Variants in DMD observed in about 807,000 individuals in gnomAD.
DMD encodes the protein dystrophin, also known as mutant dystrophin.
Under a neutral mutation model 330.1 loss-of-function variants are expected in DMD, and 63 were observed. The observed-to-expected ratio is 0.19, with a 90% CI of 0.16 to 0.24. The LOEUF (loss-of-function observed/expected upper bound fraction) is 0.24. Among genes scored for constraint, DMD ranks in the 10% least tolerant of loss-of-function variants. The pLI is 1.00. For missense variants in DMD, 3,344 were observed against 2,684.1 expected, an observed-to-expected ratio of 1.25 and a Z score of -5.43; for synonymous variants, 1,223 against 959.8, an observed-to-expected ratio of 1.27 and a Z score of -5.07.
At chrX:32,767,027 C>G (rs968198739) in intron 7 of DMD, among the ~76,000 whole-genome samples, 2 of 111,562 alleles carry the variant, frequency 1.8e-5, no homozygotes, top group Admixed American at 9.5e-5. Context: ...AACAAAACTA[C>G]TCCGCATTAT....
chrX:31,465,193 T>C (rs1042609263), intron 59 of DMD, among the ~76,000 whole-genome samples: 1 of 111,648 alleles, frequency 9.0e-6, no homozygotes, highest in African/African-American at 3.3e-5. Context: ...AATAAATAAT[T>C]TGGTCAGGAT....
intron 1 of DMD, among the ~76,000 whole-genome samples, chrX:33,110,846 G>A (rs1164789957): frequency 2.7e-5 from 3 of 110,550 alleles, no homozygotes; most frequent in African/African-American, 6.6e-5. Context: ...TGTATTGAAC[G>A]TTCAAATGTC....
intron 44 of DMD, among the ~76,000 whole-genome samples, chrX:32,090,713 G>C (rs1180483596): frequency 9.0e-6 from 1 of 111,414 alleles, no homozygotes; most frequent in African/African-American, 3.3e-5. Context: ...GGTAGTACAA[G>C]TAATGTGAAT....
chrX:31,834,079 T>C (rs752936401), intron 49 of DMD, among the ~76,000 whole-genome samples: 14 of 111,500 alleles, frequency 1.3e-4, no homozygotes, highest in Admixed American at 3.8e-4. Flanking sequence ...AGAGGCATTA[T>C]AAATAGGACA....
chrX:33,037,085 G>A (rs983666634), intron 1 of DMD, among the ~76,000 whole-genome samples: 8 of 111,425 alleles, frequency 7.2e-5, no homozygotes, highest in African/African-American at 2.6e-4. Context: ...AACCTGCCTT[G>A]AGAAACATTT....
chrX:32,423,483 T>C (rs2098199035), intron 29 of DMD, among the ~76,000 whole-genome samples: 1 of 110,784 alleles, frequency 9.0e-6, no homozygotes, highest in African/African-American at 3.3e-5. Flanking sequence ...TATACATGTA[T>C]ATATAAATAC....
At chrX:32,738,850 G>T (rs1458455667) in intron 7 of DMD, among the ~76,000 whole-genome samples, 1 of 111,691 alleles carries the variant, frequency 9.0e-6, no homozygotes, top group African/African-American at 3.2e-5. Flanking sequence ...CTTTCAAAAG[G>T]AGAGGTGTGA....
Position 31,258,894 on chromosome X carries a change from G to A in DMD, c.9286+2061C>T, listed in dbSNP as rs763353498. On this transcript the variant is annotated intron_variant, in intron 63 of 78. Transcript: ENST00000357033. ...TTACAGAGTAATTGAAAGTGGTAGA[G>A]AATACTATACAACAAAATGGAAATA... 2.7e-5 allele frequency among the ~76,000 whole-genome samples: 3 copies of A among 109,379 alleles called. No homozygotes were observed. In the South Asian group the frequency reaches 1.2e-3, roughly 43 times the overall value. The allele number at this position is 109,379 out of a possible 115,157, so 95.0% of individuals were successfully genotyped here.
intron 9 of DMD, among the ~76,000 whole-genome samples, chrX:32,680,799 C>A (rs2062357554): frequency 9.2e-6 from 1 of 108,436 alleles, no homozygotes; most frequent in South Asian, 3.9e-4. Context: ...CCAGCACACA[C>A]ACACAGAAAC....
chrX:32,468,299 C>G (rs1026178195), intron 23 of DMD, among the ~76,000 whole-genome samples, 199 bp downstream of exon 23: 5 of 111,062 alleles, frequency 4.5e-5, no homozygotes, highest in African/African-American at 1.6e-4. Context: ...TCTAAAAACA[C>G]TGAGAAAACT....
At chrX:32,677,760 C>CA (rs35068375) in intron 9 of DMD, among the ~76,000 whole-genome samples, 2 of 111,119 alleles carry the variant, frequency 1.8e-5, no homozygotes, top group African/African-American at 6.5e-5. Context: ...GCCATTTTAT[C>CA]AAAAAAAGAG....
intron 57 of DMD, among the ~76,000 whole-genome samples, chrX:31,482,898 G>A (rs183262771): frequency 3.7e-4 from 41 of 110,467 alleles, no homozygotes; most frequent in African/African-American, 1.2e-3. Context: ...AGAGACTTTC[G>A]ATGTTAAAAC....
At chrX:31,577,791 C>A (rs1229895631) in intron 55 of DMD, among the ~76,000 whole-genome samples, 1 of 111,478 alleles carries the variant, frequency 9.0e-6, no homozygotes, top group Non-Finnish European at 1.9e-5. Flanking sequence ...TCCATGATGC[C>A]AATGAATTTT....
At chrX:31,352,946 T>C (rs1057087025) in intron 60 of DMD, among the ~76,000 whole-genome samples, 1 of 111,921 alleles carries the variant, frequency 8.9e-6, no homozygotes, top group African/African-American at 3.2e-5. Context: ...TAACTGGCTG[T>C]ATGTTAAATC....
At chrX:32,424,410 GTTAA>G (rs1320265528) in intron 29 of DMD, among the ~76,000 whole-genome samples, 2 of 111,221 alleles carry the variant, frequency 1.8e-5, no homozygotes, top group Non-Finnish European at 3.8e-5. Flanking sequence ...AGCATTTATT[GTTAA>G]TTAATTATCC....
rs993669168 is a variant in DMD, at chrX:33,297,337, C to T, written c.7+41922G>A. On this transcript the variant is annotated intron_variant, in intron 1 of 17. Transcript: ENST00000288447. The stretch of plus-strand genomic sequence containing the variant: ...TTGTCTCATTGTATCTTTAAAAATA[C>T]GTGTTGGTGAGGATTTGGAGAAAAG... 3.2e-4 allele frequency among the ~76,000 whole-genome samples: 35 copies of T among 109,616 alleles called. 1 individual carries two copies. Among genetic ancestry groups the T allele is most frequent in the African/African-American group, 9.3e-4 (28 of 30,240 alleles).
At chrX:31,712,050 A>C (rs1316379359) in intron 52 of DMD, among the ~76,000 whole-genome samples, 1 of 111,302 alleles carries the variant, frequency 9.0e-6, no homozygotes, top group African/African-American at 3.3e-5. Context: ...ATCTGTATAT[A>C]AGTGTTGCTA....
chrX:32,400,587 T>C lies in DMD; in HGVS notation c.4234-10406A>G, dbSNP rs188020881. Among the ~76,000 whole-genome samples, 93 of 110,636 alleles carry C rather than the reference T, an allele frequency of 8.4e-4. No homozygotes were observed. In the South Asian group the frequency reaches 9.3e-3, roughly 11 times the overall value. On this transcript the variant is annotated intron_variant, in intron 30 of 78. Coordinates refer to ENST00000357033, the MANE Select transcript of DMD (RefSeq NM_004006.3). ...CAAAAAACACATGAAAAAATGCTCA[T>C]CATCACTGGCCATCAGAGAAATGCA... is the stretch of plus-strand genomic sequence containing the variant.
At chrX:32,017,318 A>T (rs141911467) in intron 44 of DMD, among the ~76,000 whole-genome samples, 2,433 of 112,204 alleles carry the variant, frequency 0.022, 35 homozygotes, top group Middle Eastern at 0.037. Context: ...GGTAAGGGAG[A>T]TAAAAGAGGC....
Sources: allele counts gnomAD v4.1 joint callset (sites outside exome capture counted in the v4.1 genomes callset), GRCh38; gene constraint gnomAD v4.1.1; transcripts MANE v1.5; gene names NCBI Gene and HGNC (gene_info 2026-07-23, HGNC 2026-07-21).